The following PRPH variants were observed in gnomAD, a reference collection of about 807,000 sequenced individuals.
PRPH encodes peripherin, also known as neurofilament 4 (57kD).
PRPH carries 48 observed loss-of-function variants against 52.6 expected under a neutral mutation model. The observed-to-expected ratio is 0.91, with a 90% CI of 0.72 to 1.16. The LOEUF is 1.16. Among genes scored for constraint, PRPH ranks in the 50% most tolerant of loss-of-function variants. The probability of loss-of-function intolerance (pLI) is 0.00; values close to 1 mark genes in which losing one functional copy is unlikely to be tolerated. For synonymous variants in PRPH, 279 were observed against 283.8 expected, an observed-to-expected ratio of 0.98 and a Z score of 0.17; for missense variants, 579 against 635.7, an observed-to-expected ratio of 0.91 and a Z score of 0.96.
Position 49,297,862 on chromosome 12 carries a change from A to G in PRPH, c.1268-96A>G, listed in dbSNP as rs1592298172. The G allele has an allele frequency of 6.3e-7, 1 of 1,577,904 alleles. No homozygotes were observed. The highest frequency in any genetic ancestry group is 1.1e-5 in the South Asian group (1 of 90,096). Reference sequence around the variant, plus strand: ...GCCTGTACCCACCCCTACTCCTCAAACCCGCCCCTCCCCTGCCCTCAGGGA... The same window carrying G: ...GCCTGTACCCACCCCTACTCCTCAAGCCCGCCCCTCCCCTGCCCTCAGGGA... On this transcript the variant is annotated intron_variant, in intron 7 of 8. Transcript: ENST00000257860. The surrounding 1 kb of genome is among the most constrained non-coding windows in gnomAD (Gnocchi z 4.4).
chr12:49,298,178 C>G, intron 8 of PRPH, 110 bp from the exon 9 acceptor site: 1 of 1,485,990 alleles, frequency 6.7e-7, no homozygotes, highest in Non-Finnish European at 9.3e-7. Context: ...GGATAGATAA[C>G]CAGGAGCCTC....
At chr12:49,298,086 T>C in intron 8 of PRPH, 49 bp downstream of exon 8, 2 of 1,594,160 alleles carry the variant, frequency 1.3e-6, no homozygotes, top group Non-Finnish European at 1.7e-6. Context: ...CCATATTATT[T>C]CTGAGCCCCA....
In PRPH at chr12:49,296,142, C is replaced by A. The variant is rs776889934; in HGVS notation, c.546-36C>A. ...GTCTGGGGTGCGAGCTGGGCGGCGA[C>A]CCCGCAGTTCAGCCTCTGCACGCTC... On this transcript the variant is annotated intron_variant, in intron 1 of 8. Coordinates refer to ENST00000257860, the MANE Select transcript of PRPH (RefSeq NM_006262.4). The surrounding 1 kb of genome is among the most constrained non-coding windows in gnomAD (Gnocchi z 5.1). The A allele has an allele frequency of 1.0e-4, 165 of 1,604,350 alleles. No homozygotes were observed. The highest frequency in any genetic ancestry group is 1.4e-4 in the Non-Finnish European group (159 of 1,177,044).
chr12:49,295,915 C>T (rs1943172176), intron 1 of PRPH, 170 bp downstream of exon 1: 2 of 1,440,554 alleles, frequency 1.4e-6, no homozygotes, highest in South Asian at 1.5e-5. Flanking sequence ...GCTCCAAGTG[C>T]CCCCCGCTAC....
chr12:49,295,489 G>A lies in PRPH; in HGVS notation c.289G>A (p.Glu97Lys). The A allele has an allele frequency of 6.2e-7, 1 of 1,608,774 alleles. No homozygotes were observed. Among genetic ancestry groups the A allele is most frequent in the Non-Finnish European group, 8.5e-7 (1 of 1,178,014 alleles). The change falls in exon 1 of 9, where the codon GAG (glutamate) becomes AAG (lysine). Residue 97 changes from glutamate to lysine, a missense_variant. By Grantham distance (56) the Glu-to-Lys change is moderately conservative (BLOSUM62 1). Transcript: ENST00000257860. ...NQEFLATRSNEKQELQELNDR... is the reference protein window; with the variant it reads ...NQEFLATRSNKKQELQELNDR... ...GGAGTTCCTGGCCACGCGCAGCAACGAGAAGCAGGAGCTGCAGGAGCTCAA... is the reference window on the plus strand; with the variant it reads ...GGAGTTCCTGGCCACGCGCAGCAACAAGAAGCAGGAGCTGCAGGAGCTCAA...
Position 49,295,691 on chromosome 12 carries a change from G to T in PRPH, c.491G>T (p.Arg164Leu), listed in dbSNP as rs1943167823. ...GAGCTGTTGGGCCGCGAGCGTGACC[G>T]GGTGCAGGTGGAGCGCGACGGGCTG... ...ELELLGRERD[R>L]VQVERDGLAE... The change falls in exon 1 of 9, where the codon CGG becomes CTG. Residue 164 changes from arginine (R) to leucine (L), a missense_variant. Transcript: ENST00000257860. 6.5e-7 allele frequency: 1 copy of T among 1,531,634 alleles called. No homozygotes were observed. 94.9% of individuals were successfully genotyped at this position (1,531,634 alleles called of 1,614,324 possible).
In PRPH at chr12:49,296,475, A is replaced by G; in HGVS notation, c.650A>G (p.Lys217Arg). The change falls in exon 3 of 9, where the codon AAG (lysine) becomes AGG (arginine). Residue 217 changes from lysine (K) to arginine (R), a missense_variant. By Grantham distance (26) the Lys-to-Arg change is conservative. Transcript: ENST00000257860. The surrounding 1 kb of genome is among the most constrained non-coding windows in gnomAD (Gnocchi z 5.1). ...ATLSRLELER[K>R]IESLMDEIEF... ...CTGTCCCGCCTGGAACTAGAGCGCA[A>G]GATTGAGTCTCTGATGGATGAGATT... is the stretch of plus-strand genomic sequence containing the variant. 1 of 1,614,156 alleles carries G rather than the reference A, an allele frequency of 6.2e-7. No homozygotes were observed. Among genetic ancestry groups the G allele is most frequent in the Non-Finnish European group, 8.5e-7 (1 of 1,180,008 alleles).
Position 49,297,039 on chromosome 12 carries a change from G to C in PRPH, c.853G>C (p.Glu285Gln). ...IAAKNLQEAE[E>Q]WYKSKYADLS... ...CGCGAAGAACCTGCAGGAGGCGGAG[G>C]AGTGGTACAAGTCCAAGGTGCAAGA... Residue 285 changes from glutamate (E) to glutamine (Q), a missense_variant, in exon 4 of 9, where the codon GAG (glutamate) becomes CAG (glutamine). By Grantham distance (29) the Glu-to-Gln change is conservative. Transcript: ENST00000257860. This position sits in a 1 kb window ranked among gnomAD's most constrained non-coding sequence, Gnocchi z 4.4. The C allele has an allele frequency of 6.2e-7, 1 of 1,613,936 alleles. No individual in the cohort carries two copies.
Position 49,296,834 on chromosome 12 carries a change from G to A in PRPH, c.703-55G>A. On this transcript the variant is annotated intron_variant, in intron 3 of 8. Transcript: ENST00000257860. This position sits in a 1 kb window ranked among gnomAD's most constrained non-coding sequence, Gnocchi z 5.1. ...CTTCTCTTTTCTGTGCACGAACTGC[G>A]TGGCCCGCGTGGAATTTGCGCCGCT... is the stretch of plus-strand genomic sequence containing the variant. 2 of 1,568,132 alleles carry A rather than the reference G, an allele frequency of 1.3e-6. No homozygotes were observed. Among genetic ancestry groups the A allele is most frequent in the Non-Finnish European group, 1.7e-6 (2 of 1,156,484 alleles).
Position 49,297,973 on chromosome 12 carries a change from C to T in PRPH, c.1283C>T (p.Pro428Leu), listed in dbSNP as rs778332226. 8 of 1,614,190 alleles carry T rather than the reference C, an allele frequency of 5.0e-6. No individual in the cohort carries two copies. In the South Asian group the frequency reaches 6.6e-5, roughly 13 times the overall value. The change falls in exon 8 of 9, where the codon CCT becomes CTT. Residue 428 changes from proline to leucine, a missense_variant. Pro to Leu is a moderately conservative substitution (Grantham distance 98, BLOSUM62 -3). Transcript: ENST00000257860. The surrounding 1 kb of genome is among the most constrained non-coding windows in gnomAD (Gnocchi z 4.4). ...NIKTTVPEVE[P>L]PQDSHSRKTV... Reference sequence around the variant, plus strand: ...CTTTCTTCAGTGCCTGAGGTGGAGCCTCCCCAGGACAGCCACAGCCGGAAG... The same window carrying T: ...CTTTCTTCAGTGCCTGAGGTGGAGCTTCCCCAGGACAGCCACAGCCGGAAG...
chr12:49,296,856 C>T lies in PRPH; in HGVS notation c.703-33C>T, dbSNP rs1262093180. 6 of 1,590,204 alleles carry T rather than the reference C, an allele frequency of 3.8e-6. No individual in the cohort carries two copies. Among genetic ancestry groups the T allele is most frequent in the African/African-American group, 2.7e-5 (2 of 74,152 alleles). On this transcript the variant is annotated intron_variant, in intron 3 of 8. Coordinates refer to ENST00000257860, the MANE Select transcript of PRPH (RefSeq NM_006262.4). This position sits in a 1 kb window ranked among gnomAD's most constrained non-coding sequence, Gnocchi z 5.1. ...TGCGTGGCCCGCGTGGAATTTGCGCCGCTGTCCATCCTCTGCCTGCTCCCG... is the reference window on the plus strand; with the variant it reads ...TGCGTGGCCCGCGTGGAATTTGCGCTGCTGTCCATCCTCTGCCTGCTCCCG...
rs1265885563 is a variant in PRPH, at chr12:49,297,290, G to A, written c.996+17G>A. 1 of 1,613,922 alleles carries A rather than the reference G, an allele frequency of 6.2e-7. No individual in the cohort carries two copies. The highest frequency in any genetic ancestry group is 2.2e-5 in the East Asian group (1 of 44,870). On this transcript the variant is annotated intron_variant, in intron 5 of 8. Coordinates refer to ENST00000257860, the MANE Select transcript of PRPH (RefSeq NM_006262.4). The surrounding 1 kb of genome is among the most constrained non-coding windows in gnomAD (Gnocchi z 4.4). ...CGCGGCACGGTGAGTACGAAGCTGCGCGCTCGGGCCCGGGGAGCGGACGAT... is the reference window on the plus strand; with the variant it reads ...CGCGGCACGGTGAGTACGAAGCTGCACGCTCGGGCCCGGGGAGCGGACGAT...
Position 49,297,898 on chromosome 12 carries a change from A to C in PRPH, c.1268-60A>C. On this transcript the variant is annotated intron_variant, in intron 7 of 8. Transcript: ENST00000257860. The surrounding 1 kb of genome is among the most constrained non-coding windows in gnomAD (Gnocchi z 4.4). Reference sequence around the variant, plus strand: ...CCCTGCCCTCAGGGATAGCAGTGGGAGCCTAAGAGGAGAGATTCCCACGCC... The same window carrying C: ...CCCTGCCCTCAGGGATAGCAGTGGGCGCCTAAGAGGAGAGATTCCCACGCC... The C allele has an allele frequency of 6.3e-7, 1 of 1,581,858 alleles. No homozygotes were observed. Among genetic ancestry groups the C allele is most frequent in the Non-Finnish European group, 8.7e-7 (1 of 1,151,148 alleles).
chr12:49,296,996 G>C lies in PRPH; in HGVS notation c.810G>C (p.Ala270=). ...CGGCAGCGCTGAGGGACATCCGCGCGCAGTACGAGAGCATCGCCGCGAAGA... is the reference window on the plus strand; with the variant it reads ...CGGCAGCGCTGAGGGACATCCGCGCCCAGTACGAGAGCATCGCCGCGAAGA... The part of the protein sequence containing the change: ...ELTAALRDIR[A]QYESIAAKNL... The change falls in exon 4 of 9, where the codon GCG becomes GCC. Residue 270 remains alanine (A), a synonymous_variant. Transcript: ENST00000257860. The surrounding 1 kb of genome is among the most constrained non-coding windows in gnomAD (Gnocchi z 5.1). The C allele has an allele frequency of 6.2e-7, 1 of 1,613,902 alleles. No individual in the cohort carries two copies. The highest frequency in any genetic ancestry group is 8.5e-7 in the Non-Finnish European group (1 of 1,179,982).
In PRPH at chr12:49,296,729, C is replaced by A; in HGVS notation, c.703-160C>A. The A allele has an allele frequency of 8.0e-7, 1 of 1,254,244 alleles. No individual in the cohort carries two copies. The highest frequency in any genetic ancestry group is 1.1e-6 in the Non-Finnish European group (1 of 908,562). The allele number at this position is 1,254,244 out of a possible 1,614,324, so 77.7% of individuals were successfully genotyped here. A position where few individuals can be genotyped will look rare whatever the true frequency, so the allele number is the denominator to read the frequency against. ...GCGGGGCTGTACCTCCGAAACCTGG[C>A]CTCTGGTCTCGCGCCCGCGGGGGCG... On this transcript the variant is annotated intron_variant, in intron 3 of 8. Coordinates refer to ENST00000257860, the MANE Select transcript of PRPH (RefSeq NM_006262.4). The surrounding 1 kb of genome is among the most constrained non-coding windows in gnomAD (Gnocchi z 5.1).
intron 8 of PRPH, 83 bp downstream of exon 8, chr12:49,298,120 T>A: frequency 6.6e-7 from 1 of 1,522,868 alleles, no homozygotes; most frequent in Non-Finnish European, 9.0e-7. Flanking sequence ...TAATCTTACT[T>A]AGGGTGGGTA....
At position 49,295,522 on chromosome 12, in the gene PRPH, T is replaced by A; in HGVS notation, c.322T>A (p.Phe108Ile). Reference sequence around the variant, plus strand: ...GGAGCTGCAGGAGCTCAACGACCGCTTCGCCAACTTCATCGAGAAGGTACG... The same window carrying A: ...GGAGCTGCAGGAGCTCAACGACCGCATCGCCAACTTCATCGAGAAGGTACG... The part of the protein sequence containing the change: ...KQELQELNDR[F>I]ANFIEKVRFL... The change falls in exon 1 of 9, where the codon TTC becomes ATC. Residue 108 changes from phenylalanine (F) to isoleucine (I), a missense_variant. Coordinates refer to ENST00000257860, the MANE Select transcript of PRPH (RefSeq NM_006262.4). 6.2e-7 allele frequency: 1 copy of A among 1,601,002 alleles called. No individual in the cohort carries two copies. Among genetic ancestry groups the A allele is most frequent in the Non-Finnish European group, 8.5e-7 (1 of 1,174,156 alleles).
rs780872666 is a variant in PRPH, at chr12:49,298,281, C to T, written c.1348-7C>T. Reference sequence around the variant, plus strand: ...CTTGTGCCCATCATATGCCCTGTCCCCAGCAGGTGGTGACAGAGTCCCAGA... The same window carrying T: ...CTTGTGCCCATCATATGCCCTGTCCTCAGCAGGTGGTGACAGAGTCCCAGA... On this transcript the variant is annotated splice_region_variant and splice_polypyrimidine_tract_variant and intron_variant, in intron 8 of 8. Transcript: ENST00000257860. The T allele has an allele frequency of 6.2e-7, 1 of 1,614,104 alleles. No homozygotes were observed. The highest frequency in any genetic ancestry group is 8.5e-7 in the Non-Finnish European group (1 of 1,180,000).
rs112826547 is a variant in PRPH at position 49,296,707 on chromosome 12, G to C, written c.702+180G>C. 15 of 1,160,310 alleles carry C rather than the reference G, an allele frequency of 1.3e-5. No individual in the cohort carries two copies. The highest frequency in any genetic ancestry group is 9.2e-5 in the African/African-American group (6 of 64,958). The allele number at this position is 1,160,310 out of a possible 1,614,324, so 71.9% of individuals were successfully genotyped here. On this transcript the variant is annotated intron_variant, in intron 3 of 8. Coordinates refer to ENST00000257860, the MANE Select transcript of PRPH (RefSeq NM_006262.4). The surrounding 1 kb of genome is among the most constrained non-coding windows in gnomAD (Gnocchi z 5.1). ...TTGCGCCACCTGGCGGCGGGCAGCG[G>C]GGCTGTACCTCCGAAACCTGGCCTC... is the stretch of plus-strand genomic sequence containing the variant.
Sources: gnomAD v4.1 joint callset for allele counts on GRCh38, gnomAD v4.1.1 for gene constraint, Gnocchi (gnomAD v3.1) non-coding constraint, MANE v1.5 for transcripts, NCBI Gene and HGNC (gene_info 2026-07-23, HGNC 2026-07-21) for gene names.